The following TNRC6B variants were observed in gnomAD, a reference collection of about 807,000 sequenced individuals.
TNRC6B encodes the protein trinucleotide repeat-containing gene 6B protein.
In TNRC6B, 52 loss-of-function variants were observed where a neutral mutation model predicts 203.6. That is an observed-to-expected ratio of 0.26 (90% confidence interval 0.20 to 0.32). TNRC6B has a LOEUF of 0.32. Ranked by LOEUF, TNRC6B falls within the 10% of genes least tolerant of loss-of-function variation. The pLI, the probability that TNRC6B is intolerant of heterozygous loss-of-function variation, is 1.00. For missense variants in TNRC6B, 1,923 were observed against 2,286.2 expected, an observed-to-expected ratio of 0.84 and a Z score of 3.24; for synonymous variants, 838 against 845.7, an observed-to-expected ratio of 0.99 and a Z score of 0.16.
At chr22:40,279,732 T>G (rs961372795) in intron 9 of TNRC6B, among the ~76,000 whole-genome samples, 1 of 152,236 alleles carries the variant, frequency 6.6e-6, no homozygotes, top group Non-Finnish European at 1.5e-5. Context: ...TCTTTCAGTC[T>G]TCCATGGAAA....
intron 3 of TNRC6B, among the ~76,000 whole-genome samples, chr22:40,252,179 AAT>A (rs1457652205): frequency 6.6e-6 from 1 of 152,174 alleles, no homozygotes; most frequent in African/African-American, 2.4e-5. Flanking sequence ...TGCCCACTTA[AAT>A]ATGTGTTTCT....
chr22:40,294,073 CAAAAAAAAAAAA>C (rs11354611), intron 12 of TNRC6B, among the ~76,000 whole-genome samples: 1 of 80,328 alleles, frequency 1.2e-5, no homozygotes, highest in Non-Finnish European at 2.4e-5. Flanking sequence ...CCCATCTCTA[CAAAAAAAAAAAA>C]AAAAAAAAAA....
chr22:40,328,797 A>G lies in TNRC6B; in HGVS notation c.*5556A>G, dbSNP rs1299278851. The G allele has an allele frequency of 6.6e-6, 1 of 152,220 alleles. No individual in the cohort carries two copies. The highest frequency in any genetic ancestry group is 2.4e-5 in the African/African-American group (1 of 41,428). The allele number at this position is 152,220 out of a possible 1,614,324, so 9.4% of individuals were successfully genotyped here. A position where few individuals can be genotyped will look rare whatever the true frequency, so the allele number is the denominator to read the frequency against. On this transcript the variant is annotated 3_prime_UTR_variant, in exon 23 of 23. Coordinates refer to ENST00000454349, the MANE Select transcript of TNRC6B (RefSeq NM_001162501.2). ...GAACAATTGAGTCTTTATGTAGAAA[A>G]GATCCATTTTTTCCCCATCCTCAGA...
intron 1 of TNRC6B, among the ~76,000 whole-genome samples, chr22:40,231,015 C>G (rs1015328481): frequency 5.9e-5 from 9 of 151,972 alleles, no homozygotes. Flanking sequence ...GCTAAATTAC[C>G]TTTGCAGCTT....
chr22:40,323,088 C>T lies in TNRC6B; in HGVS notation c.5349C>T (p.Ser1783=), dbSNP rs781315405. The part of the protein sequence containing the change: ...GQWSSSAGGS[S]GADLAGASLW... ...GGAGCAGCAGCGCTGGTGGCAGCAG[C>T]GGGGCCGATCTTGCTGGCGCTTCAT... Residue 1783 remains serine (S), a synonymous_variant, in exon 23 of 23, where the codon AGC becomes AGT. Transcript: ENST00000454349. 2.0e-5 allele frequency: 32 copies of T among 1,606,836 alleles called. No homozygotes were observed. The highest frequency in any genetic ancestry group is 6.7e-5 in the African/African-American group (5 of 74,800).
intron 13 of TNRC6B, 105 bp from the exon 14 acceptor site, chr22:40,300,805 C>A: frequency 7.9e-7 from 1 of 1,264,044 alleles, no homozygotes; most frequent in Non-Finnish European, 1.1e-6. Context: ...CTCCTGGATA[C>A]TTTTGATTGT....
intron 1 of TNRC6B, among the ~76,000 whole-genome samples, chr22:40,085,848 CTGTTGTTGTTGT>C (rs3044441): frequency 2.9e-4 from 43 of 149,278 alleles, no homozygotes; most frequent in African/African-American, 6.5e-4. Flanking sequence ...TTTGTTGTTG[CTGTTGTTGTTGT>C]TGTTGTTGTT....
rs1569059601 is a variant in TNRC6B at position 40,298,165 on chromosome 22, T to TA, written c.3709-2290_3709-2289insA. ...AAATAAAAATAAATTTAAAAAATCA[T>TA]TAAAAAAAACCCAGCTACATGGGTT... is the stretch of plus-strand genomic sequence containing the variant. On this transcript the variant is annotated intron_variant, in intron 12 of 22. Coordinates refer to ENST00000454349, the MANE Select transcript of TNRC6B (RefSeq NM_001162501.2). 2.7e-3 allele frequency among the ~76,000 whole-genome samples: 397 copies of TA among 148,822 alleles called. 2 individuals are homozygous for TA. Among genetic ancestry groups the TA allele is most frequent in the African/African-American group, 9.6e-3 (376 of 39,062 alleles).
intron 3 of TNRC6B, among the ~76,000 whole-genome samples, chr22:40,135,890 G>C (rs774376083): frequency 2.6e-5 from 4 of 152,204 alleles, no homozygotes; most frequent in African/African-American, 4.8e-5. Context: ...GATGTAGAGA[G>C]GGTAGGTAGA....
At chr22:40,138,694 G>A in intron 3 of TNRC6B, among the ~76,000 whole-genome samples, 1 of 152,142 alleles carries the variant, frequency 6.6e-6, no homozygotes, top group East Asian at 1.9e-4. Context: ...TACGTATTAG[G>A]AGTTCTCAGC....
intron 1 of TNRC6B, among the ~76,000 whole-genome samples, chr22:40,056,382 T>C (rs2067796076): frequency 6.6e-6 from 1 of 152,216 alleles, no homozygotes; most frequent in Non-Finnish European, 1.5e-5. Context: ...GCTAAGGAGC[T>C]AAGTGATGAT....
intron 12 of TNRC6B, among the ~76,000 whole-genome samples, chr22:40,293,930 G>C (rs565252442): frequency 1.3e-5 from 2 of 150,342 alleles, no homozygotes; most frequent in African/African-American, 2.5e-5. Context: ...TATGACCAAA[G>C]TGTCTGCTCT....
intron 4 of TNRC6B, among the ~76,000 whole-genome samples, chr22:40,170,357 G>A (rs8138234): frequency 0.43 from 24,715 of 57,700 alleles, 6,792 homozygotes; most frequent in South Asian, 0.57. Flanking sequence ...TATATATTAT[G>A]TATATAGTTT....
intron 3 of TNRC6B, among the ~76,000 whole-genome samples, chr22:40,127,507 A>G (rs932566535): frequency 1.3e-5 from 2 of 152,142 alleles, no homozygotes; most frequent in Non-Finnish European, 2.9e-5. Flanking sequence ...GACACCCAAG[A>G]TACACACACC....
intron 4 of TNRC6B, among the ~76,000 whole-genome samples, chr22:40,162,355 A>G (rs895137314): frequency 2.6e-5 from 4 of 152,150 alleles, no homozygotes; most frequent in African/African-American, 4.8e-5. Flanking sequence ...CGGTGTCCCA[A>G]AGTGCTGGGA....
intron 15 of TNRC6B, among the ~76,000 whole-genome samples, chr22:40,302,478 CA>C (rs1400522940): frequency 6.6e-6 from 1 of 151,974 alleles, no homozygotes; most frequent in Non-Finnish European, 1.5e-5. Context: ...ACTAAAAATA[CA>C]AAAATTAGCC....
chr22:40,131,635 T>A (rs1409328804), intron 3 of TNRC6B, among the ~76,000 whole-genome samples: 1 of 152,216 alleles, frequency 6.6e-6, no homozygotes, highest in Non-Finnish European at 1.5e-5. Context: ...CCTTAAACTA[T>A]TATTTATTCT....
In TNRC6B at chr22:40,311,013, T is replaced by G; in HGVS notation, c.4435+20T>G. On this transcript the variant is annotated intron_variant, in intron 17 of 22. Coordinates refer to ENST00000454349, the MANE Select transcript of TNRC6B (RefSeq NM_001162501.2). Reference sequence around the variant, plus strand: ...CTCCAGGTATTGTCTAGGAAATGCTTTTCCCAGGATAGCATTTGTTTTGTA... The same window carrying G: ...CTCCAGGTATTGTCTAGGAAATGCTGTTCCCAGGATAGCATTTGTTTTGTA... The G allele has an allele frequency of 1.3e-6, 2 of 1,593,474 alleles. No individual in the cohort carries two copies. The highest frequency in any genetic ancestry group is 8.5e-7 in the Non-Finnish European group (1 of 1,169,876).
intron 1 of TNRC6B, among the ~76,000 whole-genome samples, chr22:40,112,905 G>A (rs549316323): frequency 6.6e-6 from 1 of 152,274 alleles, no homozygotes; most frequent in African/African-American, 2.4e-5. Flanking sequence ...GATCACTTGA[G>A]GTCAGGAGTT....
Sources: gnomAD v4.1 joint callset for allele counts (sites outside exome capture counted in the v4.1 genomes callset) on GRCh38, gnomAD v4.1.1 for gene constraint, MANE v1.5 for transcripts, NCBI Gene and HGNC (gene_info 2026-07-23, HGNC 2026-07-21) for gene names.